The following RGS5 variants were observed in gnomAD, a reference collection of about 807,000 sequenced individuals.
RGS5 encodes regulator of G-protein signalling 5.
RGS5 carries 20 observed loss-of-function variants against 18.9 expected under a neutral mutation model. The ratio of observed to expected loss-of-function variants is 1.06; its 90% CI spans 0.74 to 1.54. RGS5 has a LOEUF of 1.54. Ranked by LOEUF, RGS5 falls within the 40% of genes most tolerant of loss-of-function variation. RGS5 has a pLI of 0.00. For missense variants in RGS5, 201 were observed against 211.8 expected (o/e 0.95, Z 0.32); for synonymous variants, 57 against 76.2 (o/e 0.75, Z 1.31).
In RGS5 at chr1:163,145,434, G is replaced by A. The variant is rs1205845229; in HGVS notation, c.*1908C>T. The A allele has an allele frequency of 6.6e-6, 1 of 152,186 alleles. No homozygotes were observed. Among genetic ancestry groups the A allele is most frequent in the East Asian group, 1.9e-4 (1 of 5,204 alleles). 9.4% of individuals were successfully genotyped at this position (152,186 alleles called of 1,614,324 possible). On this transcript the variant is annotated 3_prime_UTR_variant, in exon 5 of 5. Transcript: ENST00000313961. ...TAACTTGGGGGCAATGTAGACATAT[G>A]TTGAAGCTGGTTCTGGAAGTGCACC...
upstream of RGS5, among the ~76,000 whole-genome samples, chr1:163,222,241 C>T (rs946097478): frequency 7.2e-5 from 11 of 152,148 alleles, no homozygotes; most frequent in Non-Finnish European, 1.3e-4. Context: ...ATTCCGCCTC[C>T]TGTTGGATCA....
chr1:163,206,296 C>A (rs1659953408), upstream of RGS5, among the ~76,000 whole-genome samples: 1 of 151,774 alleles, frequency 6.6e-6, no homozygotes, highest in Non-Finnish European at 1.5e-5. Flanking sequence ...TATAAAGTAC[C>A]CAGTCTCAGG....
intron 2 of RGS5, among the ~76,000 whole-genome samples, chr1:163,284,727 C>G (rs915428475): frequency 6.6e-6 from 1 of 151,956 alleles, no homozygotes; most frequent in Non-Finnish European, 1.5e-5. Flanking sequence ...GATCTGTCTT[C>G]CCTCTTTCCT....
chr1:163,155,022 G>T (rs569065831), intron 3 of RGS5, among the ~76,000 whole-genome samples: 1 of 152,158 alleles, frequency 6.6e-6, no homozygotes, highest in East Asian at 1.9e-4. Context: ...AAAGGTGTCA[G>T]ATAGTCTCTG....
chr1:163,247,734 T>C (rs1647984585), intron 2 of RGS5, among the ~76,000 whole-genome samples: 1 of 152,068 alleles, frequency 6.6e-6, no homozygotes, highest in East Asian at 1.9e-4. Flanking sequence ...CACTTCCCCC[T>C]CAGTGATTTT....
chr1:163,194,218 T>A (rs558607492), intron 1 of RGS5, among the ~76,000 whole-genome samples: 1 of 152,292 alleles, frequency 6.6e-6, no homozygotes, highest in South Asian at 2.1e-4. Context: ...TCTGAACTTA[T>A]CACAAGTCTT....
intron 2 of RGS5, among the ~76,000 whole-genome samples, chr1:163,288,513 C>T (rs1256148800): frequency 6.6e-6 from 1 of 152,184 alleles, no homozygotes; most frequent in Non-Finnish European, 1.5e-5. Context: ...TAACTACTCA[C>T]TTCTTGAAAT....
At chr1:163,210,170 AT>A (rs1418231572) in intron 1 of RGS5, among the ~76,000 whole-genome samples, 1 of 150,768 alleles carries the variant, frequency 6.6e-6, no homozygotes, top group Non-Finnish European at 1.5e-5. Context: ...TTTTTTTCGT[AT>A]TTTTTGGGGT....
At chr1:163,181,969 C>T (rs1347887315) in intron 1 of RGS5, among the ~76,000 whole-genome samples, 6 of 152,026 alleles carry the variant, frequency 3.9e-5, no homozygotes, top group African/African-American at 1.2e-4. Context: ...ATTTCTAACT[C>T]ATAGATATGT....
At chr1:163,149,656 ACTT>A (rs1478695582) in intron 4 of RGS5, among the ~76,000 whole-genome samples, 1 of 152,140 alleles carries the variant, frequency 6.6e-6, no homozygotes, top group Non-Finnish European at 1.5e-5. Context: ...CTACTTATTG[ACTT>A]CCACATGGCC....
At chr1:163,239,071 C>A (rs1014255160) in intron 2 of RGS5, 19 of 196,558 alleles carry the variant, frequency 9.7e-5, no homozygotes, top group Non-Finnish European at 1.2e-5. Context: ...AAAGGAAATG[C>A]AGCAACGGTG....
chr1:163,229,855 G>A (rs1647433867), intron 2 of RGS5, among the ~76,000 whole-genome samples: 1 of 152,152 alleles, frequency 6.6e-6, no homozygotes, highest in Admixed American at 6.5e-5. Context: ...TTCCCTAAGG[G>A]CAGAGATTTC....
chr1:163,228,195 C>T (rs1039118732), intron 2 of RGS5, among the ~76,000 whole-genome samples: 1 of 152,248 alleles, frequency 6.6e-6, no homozygotes, highest in Non-Finnish European at 1.5e-5. Context: ...CATTTCCCAT[C>T]CTCACTGCCA....
At chr1:163,196,082 T>C (rs1163872617) in intron 1 of RGS5, among the ~76,000 whole-genome samples, 1 of 152,294 alleles carries the variant, frequency 6.6e-6, no homozygotes, top group East Asian at 1.9e-4. Context: ...TCCTGAATCC[T>C]GTAATCTTAA....
At chr1:163,188,511 T>C (rs1041083151) in intron 1 of RGS5, among the ~76,000 whole-genome samples, 3 of 152,142 alleles carry the variant, frequency 2.0e-5, no homozygotes, top group Non-Finnish European at 2.9e-5. Context: ...ATTTTATAGA[T>C]TGGTATCATC....
At chr1:163,291,252 G>T (rs777519695) in intron 2 of RGS5, among the ~76,000 whole-genome samples, 1 of 152,098 alleles carries the variant, frequency 6.6e-6, no homozygotes, top group Non-Finnish European at 1.5e-5. Context: ...TGCAAAAATT[G>T]TAACAGTGAG....
chr1:163,302,002 G>GTT lies in RGS5; in HGVS notation c.-281+4229_-281+4230dup, dbSNP rs35908469. ...AAATATTGGCTTCTTAATTTTTCCTGTTTTTTTTTTTTTAGTTCAGATAGA... is the reference window on the plus strand; with the variant it reads ...AAATATTGGCTTCTTAATTTTTCCTGTTTTTTTTTTTTTTTAGTTCAGATAGA... On this transcript the variant is annotated intron_variant, in intron 2 of 5. Transcript: ENST00000618415. 4.4e-3 allele frequency among the ~76,000 whole-genome samples: 619 copies of GTT among 139,468 alleles called. 4 individuals are homozygous for GTT. Among genetic ancestry groups the GTT allele is most frequent in the South Asian group, 0.01 (46 of 4,452 alleles). 91.5% of individuals were successfully genotyped at this position (139,468 alleles called of 152,430 possible).
At chr1:163,270,430 G>C (rs1201011991) in intron 2 of RGS5, among the ~76,000 whole-genome samples, 1 of 151,178 alleles carries the variant, frequency 6.6e-6, no homozygotes, top group Non-Finnish European at 1.5e-5. Flanking sequence ...TGAGGTGGGA[G>C]TATTGCTTGA....
intron 2 of RGS5, among the ~76,000 whole-genome samples, chr1:163,235,822 T>C (rs1647607305): frequency 6.6e-6 from 1 of 152,252 alleles, no homozygotes. Flanking sequence ...TTATAGTTCA[T>C]TTTACAAGAC....
Sources: gnomAD v4.1 joint callset for allele counts (sites outside exome capture counted in the v4.1 genomes callset) on GRCh38, gnomAD v4.1.1 for gene constraint, MANE v1.5 for transcripts, NCBI Gene and HGNC (gene_info 2026-07-23, HGNC 2026-07-21) for gene names.